GSK3B: variants seen among roughly 807,000 people sequenced by gnomAD.
GSK3B encodes the protein glycogen synthase kinase-3 beta.
Under a neutral mutation model 56.4 loss-of-function variants are expected in GSK3B, and 15 were observed. The observed-to-expected ratio is 0.27, with a 90% CI of 0.18 to 0.41. GSK3B has a LOEUF of 0.41. Among genes scored for constraint, GSK3B ranks in the 10% least tolerant of loss-of-function variants. The probability of loss-of-function intolerance (pLI) is 1.00; values close to 1 mark genes in which losing one functional copy is unlikely to be tolerated. For synonymous variants in GSK3B, 181 were observed against 188.9 expected (o/e 0.96, Z 0.34); for missense variants, 300 against 513.4 (o/e 0.58, Z 4.02).
intron 2 of GSK3B, among the ~76,000 whole-genome samples, chr3:119,991,510 CAAAAAAA>C (rs61063108): frequency 1.3e-5 from 1 of 78,940 alleles, no homozygotes; most frequent in Non-Finnish European, 2.6e-5. Context: ...TACTATTCAC[CAAAAAAA>C]AAAAAAAAAA....
intron 9 of GSK3B, among the ~76,000 whole-genome samples, chr3:119,846,839 A>G (rs1485758383): frequency 6.6e-6 from 1 of 152,254 alleles, no homozygotes; most frequent in Non-Finnish European, 1.5e-5. Context: ...ATGCATACAT[A>G]TATTTATTGC....
At chr3:120,070,081 T>C (rs1475105191) in intron 1 of GSK3B, among the ~76,000 whole-genome samples, 1 of 151,824 alleles carries the variant, frequency 6.6e-6, no homozygotes, top group Non-Finnish European at 1.5e-5. Context: ...GGTGTGGTGG[T>C]GTGTGCCTGT....
intron 1 of GSK3B, among the ~76,000 whole-genome samples, chr3:120,091,700 C>T (rs368894600): frequency 6.6e-6 from 1 of 151,950 alleles, no homozygotes; most frequent in Non-Finnish European, 1.5e-5. Context: ...AAAATTACCC[C>T]GGAATTTTAA....
chr3:119,846,930 T>C (rs2055863797), intron 9 of GSK3B, among the ~76,000 whole-genome samples: 2 of 152,288 alleles, frequency 1.3e-5, no homozygotes, highest in South Asian at 4.1e-4. Flanking sequence ...ATGTGGCCCA[T>C]ATACATCACA....
At chr3:120,036,813 A>AG (rs2058027388) in intron 1 of GSK3B, among the ~76,000 whole-genome samples, 1 of 151,256 alleles carries the variant, frequency 6.6e-6, no homozygotes, top group Non-Finnish European at 1.5e-5. Flanking sequence ...AAAAAAAAAA[A>AG]GCAGATCTAT....
At chr3:119,991,292 C>T (rs745764991) in intron 2 of GSK3B, among the ~76,000 whole-genome samples, 1 of 152,154 alleles carries the variant, frequency 6.6e-6, no homozygotes, top group Non-Finnish European at 1.5e-5. Context: ...ACAAGCACTT[C>T]CAAACTGCCC....
At chr3:120,054,699 T>C (rs762658507) in intron 1 of GSK3B, among the ~76,000 whole-genome samples, 6 of 152,158 alleles carry the variant, frequency 3.9e-5, no homozygotes, top group Non-Finnish European at 8.8e-5. Flanking sequence ...CTTCACCTAC[T>C]TATGCTACAC....
chr3:119,880,301 T>G (rs1203695136), intron 7 of GSK3B, among the ~76,000 whole-genome samples: 1 of 152,212 alleles, frequency 6.6e-6, no homozygotes, highest in Non-Finnish European at 1.5e-5. Context: ...CTTTTGTCCA[T>G]TTCAAAATCA....
At chr3:119,877,508 A>C (rs1357317509) in intron 7 of GSK3B, among the ~76,000 whole-genome samples, 2 of 152,096 alleles carry the variant, frequency 1.3e-5, no homozygotes, top group Non-Finnish European at 2.9e-5. Flanking sequence ...AATATTTTTG[A>C]TCTGCAGTCG....
chr3:119,960,151 C>CA (rs574956694), intron 2 of GSK3B, among the ~76,000 whole-genome samples: 22,059 of 74,724 alleles, frequency 0.3, 3,121 homozygotes, highest in East Asian at 0.36. Context: ...TATGCTGAGA[C>CA]AAAAAAAAAA....
At chr3:119,869,516 G>A (rs2056226731) in intron 8 of GSK3B, among the ~76,000 whole-genome samples, 1 of 152,154 alleles carries the variant, frequency 6.6e-6, no homozygotes, top group African/African-American at 2.4e-5. Context: ...AAAGAAGGTT[G>A]AGCATAAGAA....
chr3:120,003,923 G>A (rs904880445), intron 1 of GSK3B, among the ~76,000 whole-genome samples: 2 of 152,226 alleles, frequency 1.3e-5, no homozygotes, highest in African/African-American at 2.4e-5. Context: ...CATGGAGGGC[G>A]AGCCGAAGCA....
intron 4 of GSK3B, among the ~76,000 whole-genome samples, chr3:119,921,783 C>T (rs1006385062): frequency 6.6e-6 from 1 of 152,086 alleles, no homozygotes; most frequent in Admixed American, 6.6e-5. Context: ...TATCTAATGA[C>T]ACTAATGAAA....
intron 7 of GSK3B, among the ~76,000 whole-genome samples, chr3:119,881,443 G>A (rs538035577): frequency 3.3e-5 from 5 of 152,072 alleles, no homozygotes; most frequent in African/African-American, 4.8e-5. Context: ...ATTTACTATT[G>A]TACTTAAAAC....
At chr3:120,064,927 A>G (rs779041520) in intron 1 of GSK3B, among the ~76,000 whole-genome samples, 3 of 152,146 alleles carry the variant, frequency 2.0e-5, no homozygotes, top group Non-Finnish European at 2.9e-5. Flanking sequence ...CAACAAATGG[A>G]GTTTGTACAA....
chr3:120,023,852 T>C (rs2057900619), intron 1 of GSK3B, among the ~76,000 whole-genome samples: 1 of 152,192 alleles, frequency 6.6e-6, no homozygotes. Context: ...ATGCAGCACC[T>C]TCCTGAAACA....
rs59156758 is a variant in GSK3B, at chr3:119,822,120, G to GA, written c.*4667dup. ...TCACAAAAAAGTTTATATTTAAAAT[G>GA]AAAAAAAAATCAGTCACAGAGGCAT... On this transcript the variant is annotated 3_prime_UTR_variant, in exon 11 of 11. Coordinates refer to ENST00000264235, the MANE Select transcript of GSK3B (RefSeq NM_001146156.2). 0.28 allele frequency: 53,471 copies of GA among 188,212 alleles called. 8,699 individuals are homozygous for GA. Among genetic ancestry groups the GA allele is most frequent in the East Asian group, 0.48 (5,499 of 11,430 alleles). The allele number at this position is 188,212 out of a possible 1,614,324, so 11.7% of individuals were successfully genotyped here.
rs1182623739 is a variant in GSK3B at position 120,094,383 on chromosome 3, C to CGGGCGGCGG, written c.-958_-950dup. On this transcript the variant is annotated 5_prime_UTR_variant, in exon 1 of 11. Transcript: ENST00000264235. Reference sequence around the variant, plus strand: ...TCCTTCCTTCCTTTGTCACTTGGCCCGGGCGGCGGCGGCGGCGGCGGCGGC... The same window carrying CGGGCGGCGG: ...TCCTTCCTTCCTTTGTCACTTGGCCCGGGCGGCGGGGGCGGCGGCGGCGGCGGCGGCGGC... The CGGGCGGCGG allele has an allele frequency of 2.0e-5, 6 of 305,386 alleles. No individual in the cohort carries two copies. Among genetic ancestry groups the CGGGCGGCGG allele is most frequent in the Non-Finnish European group, 3.6e-5 (6 of 165,312 alleles). 18.9% of individuals were successfully genotyped at this position (305,386 alleles called of 1,614,324 possible). A position where few individuals can be genotyped will look rare whatever the true frequency, so the allele number is the denominator to read the frequency against.
intron 3 of GSK3B, among the ~76,000 whole-genome samples, chr3:119,944,790 C>T (rs1307242894): frequency 6.6e-6 from 1 of 152,144 alleles, no homozygotes. Flanking sequence ...CAAAACTCTT[C>T]TCATATATAA....
Sources: allele counts gnomAD v4.1 joint callset (sites outside exome capture counted in the v4.1 genomes callset), GRCh38; gene constraint gnomAD v4.1.1; transcripts MANE v1.5; gene names NCBI Gene and HGNC (gene_info 2026-07-23, HGNC 2026-07-21).